Variants in AK9 observed in about 807,000 individuals in gnomAD.
AK9 encodes the protein adenylate kinase domain containing 1.
In AK9, 191 loss-of-function variants were observed where a neutral mutation model predicts 239.6. That is an observed-to-expected ratio of 0.80 (90% CI 0.71 to 0.90). The LOEUF (loss-of-function observed/expected upper bound fraction) is 0.90, where lower values mean the gene tolerates loss of function less well. Ranked by LOEUF, AK9 falls within the 40% of genes least tolerant of loss-of-function variation. The pLI is 0.00. For missense variants in AK9, 1,995 were observed against 2,214.7 expected (o/e 0.90, Z 1.99); for synonymous variants, 689 against 721.0 (o/e 0.96, Z 0.71).
At chr6:109,569,721 C>T (rs1787135902) in intron 21 of AK9, among the ~76,000 whole-genome samples, 1 of 152,096 alleles carries the variant, frequency 6.6e-6, no homozygotes, top group African/African-American at 2.4e-5. Flanking sequence ...AAATCAAAAC[C>T]ACGATGAGAT....
chr6:109,595,923 C>A (rs990735938), intron 17 of AK9, among the ~76,000 whole-genome samples: 19 of 152,112 alleles, frequency 1.2e-4, no homozygotes, highest in African/African-American at 4.6e-4. Flanking sequence ...ATGGGTGCAG[C>A]AAACCACCAT....
intron 8 of AK9, among the ~76,000 whole-genome samples, chr6:109,652,756 A>AG (rs1285361893): frequency 9.5e-4 from 145 of 152,202 alleles, no homozygotes; most frequent in Non-Finnish European, 1.8e-3. Context: ...AGAAACAGTT[A>AG]ACACGACTTC....
intron 17 of AK9, among the ~76,000 whole-genome samples, chr6:109,601,370 G>A (rs964247735): frequency 2.0e-5 from 3 of 152,048 alleles, no homozygotes; most frequent in African/African-American, 7.2e-5. Flanking sequence ...GTTGAGTTTC[G>A]ATGTAGTTGA....
In AK9 at chr6:109,671,978, T is replaced by C. The variant is rs1770978150; in HGVS notation, c.272A>G (p.Asp91Gly). ...CAACATTAGCTTTATGACAAGTTCATCTGGAATGCTTTGACCGCTGATCAA... is the reference window on the plus strand; with the variant it reads ...CAACATTAGCTTTATGACAAGTTCACCTGGAATGCTTTGACCGCTGATCAA... ...SMLISGQSIP[D>G]ELVIKLMLEK... The change falls in exon 5 of 41, where the codon GAT (aspartate) becomes GGT (glycine). Residue 91 changes from aspartate to glycine, a missense_variant. Physicochemically the swap from Asp to Gly is moderately conservative, Grantham distance 94. Coordinates refer to ENST00000424296, the MANE Select transcript of AK9 (RefSeq NM_001145128.3). 1 of 1,614,046 alleles carries C rather than the reference T, an allele frequency of 6.2e-7. No individual in the cohort carries two copies. The highest frequency in any genetic ancestry group is 8.5e-7 in the Non-Finnish European group (1 of 1,179,962).
intron 8 of AK9, among the ~76,000 whole-genome samples, chr6:109,653,542 T>C (rs941696674): frequency 6.6e-6 from 1 of 152,234 alleles, no homozygotes; most frequent in Non-Finnish European, 1.5e-5. Context: ...TTATCTGGCA[T>C]GTGGATTGCA....
intron 29 of AK9, among the ~76,000 whole-genome samples, chr6:109,520,943 A>G (rs951554038): frequency 1.1e-4 from 17 of 152,066 alleles, no homozygotes; most frequent in African/African-American, 4.1e-4. Flanking sequence ...AATTTTGTGC[A>G]TTGATTTTTG....
chr6:109,674,176 A>C (rs1423099222), intron 3 of AK9, 22 bp downstream of exon 3: 1 of 1,541,060 alleles, frequency 6.5e-7, no homozygotes. Flanking sequence ...ATAAAATATT[A>C]GAGAAAAAAG....
chr6:109,506,178 A>G, intron 35 of AK9, 149 bp downstream of exon 35: 1 of 683,282 alleles, frequency 1.5e-6, no homozygotes, highest in Non-Finnish European at 2.4e-6. Flanking sequence ...GGATAATACT[A>G]TTATATATAG....
intron 27 of AK9, among the ~76,000 whole-genome samples, chr6:109,537,968 GAC>G (rs1782267155): frequency 6.6e-6 from 1 of 152,208 alleles, no homozygotes; most frequent in African/African-American, 2.4e-5. Context: ...TAGTCTGAGA[GAC>G]AGTTTGTTAT....
chr6:109,597,398 C>A (rs759491490), intron 17 of AK9, among the ~76,000 whole-genome samples: 1 of 151,630 alleles, frequency 6.6e-6, no homozygotes. Context: ...TTTTGCCGGG[C>A]GCGGTGGCTC....
Position 109,497,488 on chromosome 6 carries a change from T to G in AK9, c.5292A>C (p.Lys1764Asn). Residue 1764 changes from lysine to asparagine, a missense_variant, in exon 38 of 41, where the codon AAA becomes AAC. Coordinates refer to ENST00000424296, the MANE Select transcript of AK9 (RefSeq NM_001145128.3). ...ACCTCAAAAATTTCTGGAGTTTTTCTTTGTTCTCACAAATATATATACGAT... is the reference window on the plus strand; with the variant it reads ...ACCTCAAAAATTTCTGGAGTTTTTCGTTGTTCTCACAAATATATATACGAT... ...YHNRIYICEN[K>N]EKLQKFLRSP... 1 of 1,601,500 alleles carries G rather than the reference T, an allele frequency of 6.2e-7. No homozygotes were observed. Among genetic ancestry groups the G allele is most frequent in the Non-Finnish European group, 8.6e-7 (1 of 1,168,806 alleles).
chr6:109,688,976 G>A (rs1195997915), intron 1 of AK9, among the ~76,000 whole-genome samples: 2 of 152,192 alleles, frequency 1.3e-5, no homozygotes, highest in African/African-American at 2.4e-5. Flanking sequence ...CAGTGAATGG[G>A]TAATTGCAGC....
chr6:109,644,531 C>T (rs769606662), intron 9 of AK9, 83 bp downstream of exon 9: 2 of 1,185,740 alleles, frequency 1.7e-6, no homozygotes, highest in Admixed American at 2.5e-5. Flanking sequence ...AAATATGCTT[C>T]TGTTTATTAA....
chr6:109,506,708 A>G lies in AK9; in HGVS notation c.4574T>C (p.Val1525Ala). ...IIPMVIFELS[V>A]PSKEIFKRLL... The stretch of plus-strand genomic sequence containing the variant: ...TCTTTTGAAAATCTCCTTGGAAGGC[A>G]CACTCAATTCAAAGATGACCATGGG... The change falls in exon 34 of 41, where the codon GTG becomes GCG. Residue 1525 changes from valine to alanine, a missense_variant. By Grantham distance (64) the Val-to-Ala change is moderately conservative. This residue lies in a region of AK9 where 391 missense variants were observed against 456.0 expected (regional missense o/e 0.86). Transcript: ENST00000424296. The G allele has an allele frequency of 6.5e-7, 1 of 1,539,428 alleles. No homozygotes were observed. Among genetic ancestry groups the G allele is most frequent in the Non-Finnish European group, 8.8e-7 (1 of 1,137,996 alleles).
chr6:109,554,516 ATTTCT>A (rs1298489730), intron 24 of AK9, among the ~76,000 whole-genome samples: 4 of 98,544 alleles, frequency 4.1e-5, no homozygotes, highest in Non-Finnish European at 6.3e-5. Context: ...GGCAGTTTGT[ATTTCT>A]TTTCTTTTTT....
In AK9 at chr6:109,533,343, G is replaced by C; in HGVS notation, c.3478C>G (p.Leu1160Val). The change falls in exon 28 of 41, where the codon CTC (leucine) becomes GTC (valine). Residue 1160 changes from leucine to valine, a missense_variant. Transcript: ENST00000424296. ...QVDDQDIFDR[L>V]LPAQIEKWKL... ...CACTTTTCAATTTGGGCAGGAAGGA[G>C]GCGATCAAAAATATCTTGATCATCA... 1 of 1,611,768 alleles carries C rather than the reference G, an allele frequency of 6.2e-7. No individual in the cohort carries two copies. Among genetic ancestry groups the C allele is most frequent in the Non-Finnish European group, 8.5e-7 (1 of 1,179,178 alleles).
rs1452721013 is a variant in AK9 at position 109,546,067 on chromosome 6, T to A, written c.3025A>T (p.Arg1009Ter). Residue 1009 changes from arginine (R) to a stop codon, truncating the protein, a stop_gained, in exon 26 of 41, where the codon AGA (arginine) becomes TGA (stop). Transcript: ENST00000424296. LOFTEE classifies it high-confidence loss of function. ...ATGTTTAATTTTTCTGCCAACTGTC[T>A]TCCACACATAGTTTTGCCAGAGCCC... ...PQGSGKTMCGRQLAEKLNIFH... is the reference protein window; with the variant it reads ...PQGSGKTMCG The A allele has an allele frequency of 3.1e-6, 5 of 1,612,902 alleles. No homozygotes were observed. In the Admixed American group the frequency reaches 6.7e-5, roughly 22 times the overall value.
chr6:109,608,162 C>A (rs983443912), intron 17 of AK9, among the ~76,000 whole-genome samples: 1 of 151,646 alleles, frequency 6.6e-6, no homozygotes, highest in Admixed American at 6.6e-5. Flanking sequence ...ACCTGCAGTC[C>A]CACGTACTCA....
intron 22 of AK9, 64 bp from the exon 23 acceptor site, chr6:109,564,344 G>A: frequency 1.5e-6 from 2 of 1,310,696 alleles, no homozygotes; most frequent in South Asian, 2.9e-5. Context: ...TAGCCATATT[G>A]CCAAAATAGC....
Sources: gnomAD v4.1 joint callset for allele counts (sites outside exome capture counted in the v4.1 genomes callset) on GRCh38, gnomAD v4.1.1 for gene constraint, gnomAD v4.1.1 regional missense constraint, MANE v1.5 for transcripts, NCBI Gene and HGNC (gene_info 2026-07-23, HGNC 2026-07-21) for gene names.